Variants in SPIDR observed in about 807,000 individuals in gnomAD.
SPIDR encodes the protein scaffold protein involved in DNA repair.
SPIDR carries 93 observed loss-of-function variants against 104.6 expected under a neutral mutation model. The observed-to-expected ratio is 0.89, with a 90% CI of 0.75 to 1.06. The LOEUF (loss-of-function observed/expected upper bound fraction) is 1.06, where lower values mean the gene tolerates loss of function less well. SPIDR is among the 50% of genes least tolerant of loss of function. The pLI is 0.00. For missense variants in SPIDR, 1,154 were observed against 1,111.2 expected, an observed-to-expected ratio of 1.04 and a Z score of -0.55; for synonymous variants, 431 against 416.9, an observed-to-expected ratio of 1.03 and a Z score of -0.41.
chr8:47,439,327 A>G (rs2068944859), intron 7 of SPIDR, among the ~76,000 whole-genome samples: 1 of 152,100 alleles, frequency 6.6e-6, no homozygotes, highest in Non-Finnish European at 1.5e-5. Context: ...GTATTCATAA[A>G]CTATTGTATT....
rs143085214 is a variant in SPIDR at position 47,505,689 on chromosome 8, G to A, written c.1097+65147G>A. ...CTCAGTTGGAAATGCAGAAATCCCCGGTCTTCTGCGTTGGTCACGCTGGGA... is the reference window on the plus strand; with the variant it reads ...CTCAGTTGGAAATGCAGAAATCCCCAGTCTTCTGCGTTGGTCACGCTGGGA... On this transcript the variant is annotated intron_variant, in intron 8 of 19. Transcript: ENST00000297423. Among the ~76,000 whole-genome samples the A allele has an allele frequency of 1.7e-4, 26 of 152,220 alleles. 1 individual carries two copies. The East Asian group carries it at 3.1e-3, about 18-fold the overall frequency.
chr8:47,552,830 T>G (rs1252388888), intron 8 of SPIDR, among the ~76,000 whole-genome samples: 1 of 152,224 alleles, frequency 6.6e-6, no homozygotes, highest in African/African-American at 2.4e-5. Flanking sequence ...TTTTGCTCAT[T>G]AGTTGATGCA....
At chr8:47,421,913 CT>C (rs782527355) in intron 7 of SPIDR, among the ~76,000 whole-genome samples, 3 of 152,208 alleles carry the variant, frequency 2.0e-5, no homozygotes, top group Non-Finnish European at 4.4e-5. Context: ...GCAGCGGAGG[CT>C]GCAGAACAGC....
At chr8:47,283,964 AT>A in intron 2 of SPIDR, 63 bp from the exon 3 acceptor site, 1 of 1,264,362 alleles carries the variant, frequency 7.9e-7, no homozygotes. Flanking sequence ...GATTTTGAAT[AT>A]TTTATAAAAG....
intron 10 of SPIDR, chr8:47,659,791 G>C: frequency 1.1e-6 from 1 of 904,006 alleles, no homozygotes; most frequent in African/African-American, 1.8e-5. Context: ...TTGAAGCTTC[G>C]TAAGAGATTA....
chr8:47,529,922 C>A (rs2085652837), intron 8 of SPIDR, among the ~76,000 whole-genome samples: 1 of 151,960 alleles, frequency 6.6e-6, no homozygotes, highest in African/African-American at 2.4e-5. Context: ...TCAAGAGGAA[C>A]CACATAAAAA....
At chr8:47,452,549 T>A (rs1317086579) in intron 8 of SPIDR, among the ~76,000 whole-genome samples, 2 of 152,228 alleles carry the variant, frequency 1.3e-5, no homozygotes, top group East Asian at 1.9e-4. Context: ...GATGCAAGGC[T>A]GGTTCAACAT....
At chr8:47,700,594 C>G in intron 12 of SPIDR, 104 bp downstream of exon 12, 1 of 1,132,276 alleles carries the variant, frequency 8.8e-7, no homozygotes. Context: ...TCCCCTGCTC[C>G]AGTGGCAACA....
chr8:47,449,532 T>C (rs1374484214), intron 8 of SPIDR, among the ~76,000 whole-genome samples: 8 of 152,202 alleles, frequency 5.3e-5, no homozygotes. Flanking sequence ...AATTGCTGGC[T>C]CCTATTGAAG....
At chr8:47,316,796 A>G (rs2045440087) in intron 5 of SPIDR, among the ~76,000 whole-genome samples, 1 of 152,188 alleles carries the variant, frequency 6.6e-6, no homozygotes, top group South Asian at 2.1e-4. Flanking sequence ...TGTATATGTT[A>G]AAACTTATCA....
At chr8:47,604,224 G>T (rs1209593168) in intron 10 of SPIDR, among the ~76,000 whole-genome samples, 1 of 152,214 alleles carries the variant, frequency 6.6e-6, no homozygotes, top group Non-Finnish European at 1.5e-5. Flanking sequence ...TTAAGTTTAG[G>T]TGTTAGGTAA....
Position 47,477,138 on chromosome 8 carries a change from GC to G in SPIDR, c.1097+36598del, listed in dbSNP as rs1483003282. On this transcript the variant is annotated intron_variant, in intron 8 of 19. Coordinates refer to ENST00000297423, the MANE Select transcript of SPIDR (RefSeq NM_001080394.4). ...AAATGGAGATTAAAAACACTTCAGG[GC>G]CTATGAAACACTTAATGAAACGTGG... Among the ~76,000 whole-genome samples the G allele has an allele frequency of 2.6e-5, 4 of 152,242 alleles. No homozygotes were observed. In the East Asian group the frequency reaches 7.7e-4, roughly 29 times the overall value.
chr8:47,562,143 G>A (rs1244109326), intron 8 of SPIDR, among the ~76,000 whole-genome samples: 1 of 152,174 alleles, frequency 6.6e-6, no homozygotes, highest in Non-Finnish European at 1.5e-5. Flanking sequence ...AACAGCTATA[G>A]CCCTAGGCGT....
chr8:47,327,002 C>T (rs1003037371), intron 5 of SPIDR, among the ~76,000 whole-genome samples: 3 of 152,026 alleles, frequency 2.0e-5, no homozygotes, highest in Admixed American at 6.6e-5. Context: ...TTATGTTACT[C>T]TTTGAAAAAC....
At chr8:47,481,569 A>T (rs187296144) in intron 8 of SPIDR, among the ~76,000 whole-genome samples, 3 of 152,370 alleles carry the variant, frequency 2.0e-5, no homozygotes, top group Admixed American at 1.3e-4. Flanking sequence ...TGAACCTGGG[A>T]GGCTCCATCA....
At chr8:47,390,893 T>C (rs2060500291) in intron 5 of SPIDR, among the ~76,000 whole-genome samples, 1 of 152,190 alleles carries the variant, frequency 6.6e-6, no homozygotes, top group Non-Finnish European at 1.5e-5. Flanking sequence ...AGTCTGATTC[T>C]ACAATGTAGA....
intron 5 of SPIDR, among the ~76,000 whole-genome samples, chr8:47,308,040 C>A (rs587642012): frequency 6.6e-6 from 1 of 151,876 alleles, no homozygotes; most frequent in African/African-American, 2.4e-5. Flanking sequence ...ATTAGATTCT[C>A]CCTCTTCCCC....
intron 8 of SPIDR, among the ~76,000 whole-genome samples, chr8:47,521,881 A>C (rs1442499287): frequency 1.3e-5 from 2 of 152,008 alleles, no homozygotes. Context: ...TATATGAATG[A>C]GGCCAGGCAC....
chr8:47,556,668 C>T (rs1024564316), intron 8 of SPIDR, among the ~76,000 whole-genome samples: 13 of 152,138 alleles, frequency 8.5e-5, no homozygotes, highest in Non-Finnish European at 1.9e-4. Context: ...GGCACAATCA[C>T]GGCTTACTGC....
Sources: allele counts gnomAD v4.1 joint callset (sites outside exome capture counted in the v4.1 genomes callset), GRCh38; gene constraint gnomAD v4.1.1; transcripts MANE v1.5; gene names NCBI Gene and HGNC (gene_info 2026-07-23, HGNC 2026-07-21).